Variants in KIF17 observed in about 807,000 individuals in gnomAD.
KIF17 encodes kinesin family member 17, also known as kinesin-like protein KIF17.
KIF17 carries 80 observed loss-of-function variants against 96.8 expected under a neutral mutation model. That is an observed-to-expected ratio of 0.83 (90% CI 0.69 to 1.00). The LOEUF is 1.00. Among genes scored for constraint, KIF17 ranks in the 50% least tolerant of loss-of-function variants. KIF17 has a pLI of 0.00. For synonymous variants in KIF17, 567 were observed against 587.5 expected, an observed-to-expected ratio of 0.97 and a Z score of 0.51; for missense variants, 1,280 against 1,372.9, an observed-to-expected ratio of 0.93 and a Z score of 1.07.
At chr1:20,666,127 A>G in intron 14 of KIF17, 87 bp downstream of exon 14, 1 of 1,038,910 alleles carries the variant, frequency 9.6e-7, no homozygotes, top group Non-Finnish European at 1.5e-6. Flanking sequence ...GGAGTTTTTG[A>G]ACCCAGGCCT....
chr1:20,696,640 GCCGGCCCCACCGGGCTTC>G, intron 6 of KIF17, among the ~76,000 whole-genome samples: 1 of 152,132 alleles, frequency 6.6e-6, no homozygotes, highest in East Asian at 1.9e-4. Context: ...AGCGGGGGCC[GCCGGCCCCACCGGGCTTC>G]CCGGGAAGGA....
chr1:20,664,745 G>A lies in KIF17; in HGVS notation c.2926C>T (p.Pro976Ser). The change falls in exon 15 of 15, where the codon CCA becomes TCA. Residue 976 changes from proline to serine, a missense_variant. Transcript: ENST00000400463. ...RKSLTHHNSP[P>S]GLSCPLSNNS... ...TTGCTGAGTGGGCAGCTGAGGCCTG[G>A]TGGCGAGTTGTGATGTGCTGTGGGG... 2.5e-6 allele frequency: 4 copies of A among 1,612,098 alleles called. No homozygotes were observed. The highest frequency in any genetic ancestry group is 2.2e-5 in the East Asian group (1 of 44,884).
intron 14 of KIF17, among the ~76,000 whole-genome samples, chr1:20,665,315 CCTCCCGAG>C (rs2053508078): frequency 6.8e-6 from 1 of 147,820 alleles, no homozygotes; most frequent in Admixed American, 6.8e-5. Context: ...GCAACCTCTG[CCTCCCGAG>C]TTCAAGCAAT....
At chr1:20,671,337 G>A (rs977393397) in intron 12 of KIF17, among the ~76,000 whole-genome samples, 5 of 152,106 alleles carry the variant, frequency 3.3e-5, no homozygotes, top group South Asian at 4.2e-4. Context: ...TTGTTTTTTC[G>A]GGGTTTGTTT....
chr1:20,674,721 T>G (rs1349537132), intron 11 of KIF17, among the ~76,000 whole-genome samples: 1 of 152,200 alleles, frequency 6.6e-6, no homozygotes, highest in Non-Finnish European at 1.5e-5. Flanking sequence ...GGATCCATTT[T>G]GAGTTAATTT....
In KIF17 at chr1:20,687,696, G is replaced by A; in HGVS notation, c.1630C>T (p.Leu544Phe). The part of the protein sequence containing the change: ...ISLGSSESSS[L>F]EETSVSEAFP... ...GCCTCGGACACAGAGGTTTCTTCGA[G>A]CGAGGATGACTCACTGGAGCCCAGA... is the stretch of plus-strand genomic sequence containing the variant. Residue 544 changes from leucine to phenylalanine, a missense_variant, in exon 8 of 15, where the codon CTC becomes TTC. Transcript: ENST00000400463. This position sits in a 1 kb window ranked among gnomAD's most constrained non-coding sequence, Gnocchi z 4.4. 1 of 1,614,208 alleles carries A rather than the reference G, an allele frequency of 6.2e-7. No individual in the cohort carries two copies. Among genetic ancestry groups the A allele is most frequent in the Middle Eastern group, 1.6e-4 (1 of 6,062 alleles).
chr1:20,702,385 G>T (rs1474542940), intron 5 of KIF17, among the ~76,000 whole-genome samples: 1 of 152,210 alleles, frequency 6.6e-6, no homozygotes, highest in African/African-American at 2.4e-5. Flanking sequence ...CTGCACAGGT[G>T]TTAGCTGCTG....
At chr1:20,708,507 C>T (rs1478846578) in intron 4 of KIF17, among the ~76,000 whole-genome samples, 1 of 152,156 alleles carries the variant, frequency 6.6e-6, no homozygotes. Flanking sequence ...GAATTATGTT[C>T]CCAGTTGGGC....
At chr1:20,682,947 C>T (rs2053859001) in intron 10 of KIF17, 63 bp from the exon 11 acceptor site, 4 of 1,439,090 alleles carry the variant, frequency 2.8e-6, no homozygotes, top group South Asian at 1.2e-5. Context: ...ACGTGCCATC[C>T]AGCAGGCTCC....
chr1:20,664,885 C>T (rs2053498137), intron 14 of KIF17, 123 bp from the exon 15 acceptor site: 2 of 915,064 alleles, frequency 2.2e-6, no homozygotes, highest in Admixed American at 2.0e-5. Context: ...CAGCCAGAGG[C>T]CCTGGCCCTG....
chr1:20,673,558 A>G (rs1479196754), intron 11 of KIF17, among the ~76,000 whole-genome samples: 1 of 138,828 alleles, frequency 7.2e-6, no homozygotes, highest in Non-Finnish European at 1.5e-5. Context: ...TTTGAGACAG[A>G]TTCACTCTGT....
intron 11 of KIF17, among the ~76,000 whole-genome samples, chr1:20,680,175 C>T (rs779568164): frequency 6.6e-6 from 1 of 152,130 alleles, no homozygotes; most frequent in Non-Finnish European, 1.5e-5. Context: ...AACTACACTT[C>T]ACTATACAAA....
In KIF17 at chr1:20,709,929, C is replaced by T; in HGVS notation, c.481-101G>A. On this transcript the variant is annotated intron_variant, in intron 3 of 14. Coordinates refer to ENST00000400463, the MANE Select transcript of KIF17 (RefSeq NM_001122819.3). This position sits in a 1 kb window ranked among gnomAD's most constrained non-coding sequence, Gnocchi z 4.7. ...AGAGAAGGGCCCCATCCAGACCGCC[C>T]TCGCCCTCCTGTAATGCAGGCTGGC... 9.0e-7 allele frequency: 1 copy of T among 1,106,618 alleles called. No homozygotes were observed. The highest frequency in any genetic ancestry group is 2.6e-5 in the East Asian group (1 of 38,752). 68.5% of individuals were successfully genotyped at this position (1,106,618 alleles called of 1,614,324 possible).
At chr1:20,695,619 G>T (rs1229591233) in intron 6 of KIF17, among the ~76,000 whole-genome samples, 1 of 151,858 alleles carries the variant, frequency 6.6e-6, no homozygotes, top group Non-Finnish European at 1.5e-5. Context: ...CCCCTGCCTG[G>T]TAAGTCACAG....
Position 20,707,366 on chromosome 1 carries a change from C to T in KIF17, c.670+2273G>A, listed in dbSNP as rs529745772. 3.3e-5 allele frequency among the ~76,000 whole-genome samples: 5 copies of T among 152,234 alleles called. 1 individual carries two copies. Among genetic ancestry groups the T allele is most frequent in the African/African-American group, 9.6e-5 (4 of 41,520 alleles). On this transcript the variant is annotated intron_variant, in intron 4 of 14. Coordinates refer to ENST00000400463, the MANE Select transcript of KIF17 (RefSeq NM_001122819.3). ...GCCACCACACATGGTCATGAAGACA[C>T]GGTGACAGTAAAGTGCAGAAATGCT... is the stretch of plus-strand genomic sequence containing the variant.
chr1:20,679,376 A>T (rs1038942919), intron 11 of KIF17, among the ~76,000 whole-genome samples: 12 of 152,186 alleles, frequency 7.9e-5, no homozygotes, highest in African/African-American at 2.7e-4. Context: ...GCTACTCAGG[A>T]GGCTGAGGCA....
chr1:20,705,045 T>C, intron 4 of KIF17, 146 bp from the exon 5 acceptor site: 1 of 741,140 alleles, frequency 1.3e-6, no homozygotes, highest in Admixed American at 2.0e-5. Flanking sequence ...GGTGCTATTA[T>C]TGGGTTCATC....
At chr1:20,681,125 C>CA (rs752792783) in intron 11 of KIF17, among the ~76,000 whole-genome samples, 8,919 of 104,878 alleles carry the variant, frequency 0.085, 354 homozygotes, top group African/African-American at 0.14. Flanking sequence ...GACTCTGTCT[C>CA]AAAAAAAAAA....
chr1:20,684,995 G>T lies in KIF17; in HGVS notation c.2045C>A (p.Ala682Asp). Residue 682 changes from alanine (A) to aspartate (D), a missense_variant, in exon 10 of 15, where the codon GCC becomes GAC. Transcript: ENST00000400463. Reference sequence around the variant, plus strand: ...CTCTGCTGTCCGCACCACCTCTAAGGCCACTTCCGAGGCCAGATCTACCTC... The same window carrying T: ...CTCTGCTGTCCGCACCACCTCTAAGTCCACTTCCGAGGCCAGATCTACCTC... ...RPEVDLASEV[A>D]LEVVRTAEPG... 1 of 1,602,240 alleles carries T rather than the reference G, an allele frequency of 6.2e-7. No individual in the cohort carries two copies. The highest frequency in any genetic ancestry group is 8.5e-7 in the Non-Finnish European group (1 of 1,174,570).
Sources: gnomAD v4.1 joint callset for allele counts (sites outside exome capture counted in the v4.1 genomes callset) on GRCh38, gnomAD v4.1.1 for gene constraint, Gnocchi (gnomAD v3.1) non-coding constraint, MANE v1.5 for transcripts, NCBI Gene and HGNC (gene_info 2026-07-23, HGNC 2026-07-21) for gene names.